The following LRRC4C variants were observed in gnomAD, a reference collection of about 807,000 sequenced individuals.
LRRC4C encodes leucine-rich repeat-containing protein 4C.
LRRC4C carries 5 observed loss-of-function variants against 33.6 expected under a neutral mutation model. The ratio of observed to expected loss-of-function variants is 0.15; its 90% CI spans 0.08 to 0.31. The LOEUF (loss-of-function observed/expected upper bound fraction) is 0.31, where lower values mean the gene tolerates loss of function less well. Among genes scored for constraint, LRRC4C ranks in the 10% least tolerant of loss-of-function variants. The pLI, the probability that LRRC4C is intolerant of heterozygous loss-of-function variation, is 1.00. For synonymous variants in LRRC4C, 329 were observed against 302.0 expected, an observed-to-expected ratio of 1.09 and a Z score of -0.93; for missense variants, 560 against 796.7, an observed-to-expected ratio of 0.70 and a Z score of 3.58.
intron 3 of LRRC4C, among the ~76,000 whole-genome samples, chr11:40,343,679 A>C (rs1428873650): frequency 6.6e-6 from 1 of 150,498 alleles, no homozygotes; most frequent in Non-Finnish European, 1.5e-5. Context: ...AAAAACTTAC[A>C]AAAGAATAAC....
intron 1 of LRRC4C, among the ~76,000 whole-genome samples, chr11:41,364,913 C>A (rs1171396485): frequency 6.6e-6 from 1 of 152,120 alleles, no homozygotes; most frequent in Non-Finnish European, 1.5e-5. Context: ...ATATAACTTA[C>A]TTGGTCCTTC....
chr11:41,172,384 T>G (rs1945014586), intron 1 of LRRC4C, among the ~76,000 whole-genome samples: 1 of 152,160 alleles, frequency 6.6e-6, no homozygotes, highest in African/African-American at 2.4e-5. Context: ...TTGAAGAAGT[T>G]GCTAATTCTA....
At chr11:41,027,390 A>G (rs1349490201) in intron 1 of LRRC4C, among the ~76,000 whole-genome samples, 1 of 151,628 alleles carries the variant, frequency 6.6e-6, no homozygotes, top group Non-Finnish European at 1.5e-5. Context: ...TCAGTCTTCA[A>G]TTACTCTGAT....
chr11:40,579,286 A>G (rs79461009), intron 3 of LRRC4C, among the ~76,000 whole-genome samples: 1 of 151,774 alleles, frequency 6.6e-6, no homozygotes, highest in African/African-American at 2.4e-5. Flanking sequence ...TGAGCTGAGC[A>G]CTGCTTTCCG....
intron 4 of LRRC4C, among the ~76,000 whole-genome samples, chr11:40,301,125 C>T (rs1028091051): frequency 6.6e-6 from 1 of 152,166 alleles, no homozygotes; most frequent in Non-Finnish European, 1.5e-5. Context: ...GACAATTCTC[C>T]CTTTTTCAGA....
intron 2 of LRRC4C, among the ~76,000 whole-genome samples, chr11:40,907,656 CT>C (rs1159118031): frequency 6.6e-6 from 1 of 152,190 alleles, no homozygotes; most frequent in Non-Finnish European, 1.5e-5. Flanking sequence ...AAATACAACT[CT>C]TCCTCTCTAC....
intron 3 of LRRC4C, among the ~76,000 whole-genome samples, chr11:40,401,173 A>AG (rs1949744247): frequency 1.3e-5 from 2 of 151,850 alleles, no homozygotes. Context: ...TTATTAAAAA[A>AG]AAAATTTCCT....
chr11:40,119,776 G>A (rs1855693771), intron 6 of LRRC4C, among the ~76,000 whole-genome samples: 1 of 152,070 alleles, frequency 6.6e-6, no homozygotes, highest in Non-Finnish European at 1.5e-5. Flanking sequence ...TCAAGGACTT[G>A]CCTATAAGCA....
chr11:40,964,618 G>A (rs1158908028), intron 1 of LRRC4C, among the ~76,000 whole-genome samples: 2 of 149,380 alleles, frequency 1.3e-5, no homozygotes, highest in East Asian at 2.0e-4. Context: ...AGAATATGCG[G>A]TGTTTGGTTT....
chr11:40,443,340 T>A (rs1270151815), intron 3 of LRRC4C, among the ~76,000 whole-genome samples: 1 of 152,214 alleles, frequency 6.6e-6, no homozygotes, highest in Non-Finnish European at 1.5e-5. Context: ...TCATTGCTAT[T>A]ACAAATATAG....
chr11:41,161,522 T>C (rs1316393359), intron 1 of LRRC4C, among the ~76,000 whole-genome samples: 3 of 152,208 alleles, frequency 2.0e-5, no homozygotes, highest in African/African-American at 7.2e-5. Flanking sequence ...CTTCACAAGA[T>C]TCCTACAGGC....
At chr11:40,834,083 G>T (rs1400334884) in intron 2 of LRRC4C, among the ~76,000 whole-genome samples, 1 of 152,104 alleles carries the variant, frequency 6.6e-6, no homozygotes, top group Non-Finnish European at 1.5e-5. Flanking sequence ...GGACACAACT[G>T]CAGTGTCATG....
At chr11:40,192,997 C>T (rs1308093522) in intron 5 of LRRC4C, among the ~76,000 whole-genome samples, 2 of 152,158 alleles carry the variant, frequency 1.3e-5, no homozygotes, top group Non-Finnish European at 2.9e-5. Flanking sequence ...GGACGGAGCA[C>T]ATGGGGGAAG....
intron 1 of LRRC4C, among the ~76,000 whole-genome samples, chr11:41,013,745 AC>A (rs1452383168): frequency 6.6e-6 from 1 of 152,206 alleles, no homozygotes; most frequent in East Asian, 1.9e-4. Context: ...ATAAAGAAAT[AC>A]CTGAGACTGG....
chr11:40,521,312 A>C (rs746327008), intron 3 of LRRC4C, among the ~76,000 whole-genome samples: 1 of 152,214 alleles, frequency 6.6e-6, no homozygotes, highest in African/African-American at 2.4e-5. Flanking sequence ...TAGTGAAGAT[A>C]ATAAGTCATT....
At chr11:40,218,790 A>G (rs1009213224) in intron 5 of LRRC4C, among the ~76,000 whole-genome samples, 1 of 150,280 alleles carries the variant, frequency 6.7e-6, no homozygotes, top group Non-Finnish European at 1.5e-5. Flanking sequence ...AGAGTTCCTG[A>G]TTCCCCACCC....
At chr11:40,821,528 A>T (rs1296144010) in intron 2 of LRRC4C, among the ~76,000 whole-genome samples, 1 of 151,566 alleles carries the variant, frequency 6.6e-6, no homozygotes. Flanking sequence ...TAATAAATTT[A>T]TATTTTTTAA....
chr11:40,968,506 T>G (rs1324034438), intron 1 of LRRC4C, among the ~76,000 whole-genome samples: 2 of 152,168 alleles, frequency 1.3e-5, no homozygotes, highest in African/African-American at 2.4e-5. Context: ...ATAGCTAATT[T>G]GGAGAATTCA....
At chr11:40,655,447 C>A (rs937104692) in intron 2 of LRRC4C, among the ~76,000 whole-genome samples, 5 of 151,922 alleles carry the variant, frequency 3.3e-5, no homozygotes, top group Admixed American at 1.3e-4. Context: ...GGCAAACATG[C>A]TATTATTAAG....
Sources: allele counts gnomAD v4.1 joint callset (sites outside exome capture counted in the v4.1 genomes callset), GRCh38; gene constraint gnomAD v4.1.1; transcripts MANE v1.5; gene names NCBI Gene and HGNC (gene_info 2026-07-23, HGNC 2026-07-21).